The following NRXN3 variants were observed in gnomAD, a reference collection of about 807,000 sequenced individuals.
The protein encoded by NRXN3 is neurexin III.
In NRXN3, 32 loss-of-function variants were observed where a neutral mutation model predicts 137.6. That is an observed-to-expected ratio of 0.23 (90% CI 0.18 to 0.31). The LOEUF is 0.31. Ranked by LOEUF, NRXN3 falls within the 10% of genes least tolerant of loss-of-function variation. The probability of loss-of-function intolerance (pLI) is 1.00; values close to 1 mark genes in which losing one functional copy is unlikely to be tolerated. For synonymous variants in NRXN3, 798 were observed against 784.5 expected (o/e 1.02, Z -0.29); for missense variants, 1,574 against 2,062.5 (o/e 0.76, Z 4.59).
intron 5 of NRXN3, among the ~76,000 whole-genome samples, chr14:78,648,799 T>C (rs1401670722): frequency 1.3e-5 from 2 of 152,188 alleles, no homozygotes; most frequent in African/African-American, 4.8e-5. Flanking sequence ...CAGTTCTTTG[T>C]ATCTGTTTTT....
At chr14:79,268,757 T>C (rs1385422117) in intron 15 of NRXN3, among the ~76,000 whole-genome samples, 31 of 152,308 alleles carry the variant, frequency 2.0e-4, no homozygotes, top group Admixed American at 1.9e-3. Context: ...TGTGTGAGTA[T>C]AGACAAGTTA....
At chr14:79,501,856 G>A (rs899436272) in intron 16 of NRXN3, among the ~76,000 whole-genome samples, 8 of 152,124 alleles carry the variant, frequency 5.3e-5, no homozygotes, top group Non-Finnish European at 1.0e-4. Context: ...CGGAGAGGAA[G>A]GACAGAGGTG....
Position 78,223,521 on chromosome 14 carries a change from G to A in NRXN3, c.-703-18870G>A, listed in dbSNP as rs538233867. The stretch of plus-strand genomic sequence containing the variant: ...TCCCCCTTATACTTAGGATGGGATG[G>A]CTGCTTTTTAGAGCACCCAGTGGAT... On this transcript the variant is annotated intron_variant, in intron 1 of 20. Coordinates refer to ENST00000335750, the MANE Select transcript of NRXN3 (RefSeq NM_001330195.2). Among the ~76,000 whole-genome samples the A allele has an allele frequency of 2.0e-5, 3 of 152,260 alleles. No individual in the cohort carries two copies. The East Asian group carries it at 5.8e-4, about 29-fold the overall frequency.
intron 15 of NRXN3, among the ~76,000 whole-genome samples, chr14:79,440,044 C>G (rs1403408069): frequency 1.3e-5 from 2 of 152,144 alleles, no homozygotes; most frequent in Admixed American, 6.5e-5. Context: ...GAGAAATGAG[C>G]TATGCATTTA....
chr14:79,843,903 C>A (rs1568428946), intron 20 of NRXN3, among the ~76,000 whole-genome samples: 1 of 152,042 alleles, frequency 6.6e-6, no homozygotes, highest in East Asian at 1.9e-4. Flanking sequence ...TCCCTTGCCC[C>A]CTCCCAACCT....
intron 15 of NRXN3, among the ~76,000 whole-genome samples, chr14:79,146,626 G>T (rs535721074): frequency 9.2e-5 from 14 of 152,050 alleles, no homozygotes; most frequent in Non-Finnish European, 1.8e-4. Flanking sequence ...AGAAAAGAGC[G>T]TGCATCACAA....
chr14:79,426,343 G>A (rs1339621359), intron 15 of NRXN3, among the ~76,000 whole-genome samples: 4 of 152,106 alleles, frequency 2.6e-5, no homozygotes, highest in East Asian at 1.9e-4. Flanking sequence ...GAGCTTGGCC[G>A]ATTTGGTTCC....
chr14:79,639,485 TC>T (rs2098422111), intron 16 of NRXN3, among the ~76,000 whole-genome samples: 1 of 152,216 alleles, frequency 6.6e-6, no homozygotes, highest in African/African-American at 2.4e-5. Flanking sequence ...GTTTTTTTTT[TC>T]ATGGAGTTGT....
intron 6 of NRXN3, among the ~76,000 whole-genome samples, chr14:78,702,416 A>G (rs1185137547): frequency 1.3e-5 from 2 of 150,016 alleles, no homozygotes; most frequent in Non-Finnish European, 3.0e-5. Context: ...TTGGCTTAGA[A>G]GTTATCCTCA....
At chr14:79,105,719 G>T (rs1044743707) in intron 15 of NRXN3, among the ~76,000 whole-genome samples, 1 of 152,112 alleles carries the variant, frequency 6.6e-6, no homozygotes, top group East Asian at 1.9e-4. Context: ...TAACAGAAAA[G>T]GTTGTATCAG....
At chr14:78,410,459 T>C (rs997881290) in intron 4 of NRXN3, among the ~76,000 whole-genome samples, 3 of 152,194 alleles carry the variant, frequency 2.0e-5, no homozygotes, top group African/African-American at 7.2e-5. Flanking sequence ...GGAAATAATG[T>C]CTAAATGGAC....
intron 1 of NRXN3, among the ~76,000 whole-genome samples, chr14:78,188,666 A>G (rs577611133): frequency 6.6e-6 from 1 of 152,324 alleles, no homozygotes; most frequent in South Asian, 2.1e-4. Context: ...CTTAAGGCCT[A>G]AGACATAGAC....
intron 16 of NRXN3, among the ~76,000 whole-genome samples, chr14:79,581,932 A>G (rs2097720513): frequency 6.6e-6 from 1 of 151,984 alleles, no homozygotes; most frequent in Non-Finnish European, 1.5e-5. Flanking sequence ...TAATTTTTTT[A>G]TTTTTATTTT....
At chr14:79,692,299 G>T (rs1402974356) in intron 18 of NRXN3, 37 bp downstream of exon 18, 1 of 1,463,468 alleles carries the variant, frequency 6.8e-7, no homozygotes, top group South Asian at 1.2e-5. Flanking sequence ...AAAATCATTT[G>T]ATCCTAAACC....
At chr14:78,220,050 G>T (rs2063684998) in intron 1 of NRXN3, among the ~76,000 whole-genome samples, 1 of 152,070 alleles carries the variant, frequency 6.6e-6, no homozygotes, top group Non-Finnish European at 1.5e-5. Flanking sequence ...TGAGAGAGAG[G>T]AGATGAAGAG....
At chr14:79,038,259 G>C (rs1255958172) in intron 15 of NRXN3, among the ~76,000 whole-genome samples, 1 of 151,828 alleles carries the variant, frequency 6.6e-6, no homozygotes. Flanking sequence ...AGCAGAGACC[G>C]AAAGGCATAA....
chr14:78,905,946 A>G (rs935957036), intron 10 of NRXN3, among the ~76,000 whole-genome samples: 2 of 152,044 alleles, frequency 1.3e-5, no homozygotes, highest in Non-Finnish European at 2.9e-5. Flanking sequence ...GTGGAATAGA[A>G]AATTGTAAGT....
intron 14 of NRXN3, among the ~76,000 whole-genome samples, chr14:78,976,648 C>T (rs2099467658): frequency 6.6e-6 from 1 of 152,084 alleles, no homozygotes; most frequent in Non-Finnish European, 1.5e-5. Context: ...ACTATAAGTT[C>T]CTCAAAATGC....
chr14:78,980,079 A>G (rs775390384), intron 14 of NRXN3, among the ~76,000 whole-genome samples: 2 of 152,214 alleles, frequency 1.3e-5, no homozygotes, highest in African/African-American at 4.8e-5. Context: ...GAATTCTACT[A>G]TGATAACTTC....
Sources: allele counts gnomAD v4.1 joint callset (sites outside exome capture counted in the v4.1 genomes callset), GRCh38; gene constraint gnomAD v4.1.1; transcripts MANE v1.5; gene names NCBI Gene and HGNC (gene_info 2026-07-23, HGNC 2026-07-21).